Variants in CLEC4D observed in about 807,000 individuals in gnomAD.
CLEC4D encodes the protein C-type lectin domain family 4 member D.
Under a neutral mutation model 21.1 loss-of-function variants are expected in CLEC4D, and 21 were observed. The ratio of observed to expected loss-of-function variants is 1.00; its 90% CI spans 0.71 to 1.43. CLEC4D has a LOEUF of 1.43. Ranked by LOEUF, CLEC4D falls within the 40% of genes most tolerant of loss-of-function variation. The probability of loss-of-function intolerance (pLI) is 0.00; values close to 1 mark genes in which losing one functional copy is unlikely to be tolerated. For synonymous variants in CLEC4D, 85 were observed against 83.1 expected, an observed-to-expected ratio of 1.02 and a Z score of -0.12; for missense variants, 289 against 260.7, an observed-to-expected ratio of 1.11 and a Z score of -0.75.
At chr12:8,514,381 G>A (rs1383534519) in intron 1 of CLEC4D, among the ~76,000 whole-genome samples, 2 of 151,944 alleles carry the variant, frequency 1.3e-5, no homozygotes, top group Admixed American at 6.5e-5. Flanking sequence ...ATTGTGTGAA[G>A]GGACCATAAT....
At chr12:8,525,650 G>T (rs1940500220), downstream of CLEC4D, among the ~76,000 whole-genome samples, 1 of 152,174 alleles carries the variant, frequency 6.6e-6, no homozygotes, top group Non-Finnish European at 1.5e-5. Flanking sequence ...CAATTTGCCA[G>T]TCTGTGTCTT....
chr12:8,516,161 A>T (rs1469999202), intron 2 of CLEC4D, among the ~76,000 whole-genome samples: 1 of 152,206 alleles, frequency 6.6e-6, no homozygotes, highest in Non-Finnish European at 1.5e-5. Flanking sequence ...GTAAATCAAT[A>T]AAGTTTTAAG....
At chr12:8,522,823 G>A (rs921164403), downstream of CLEC4D, among the ~76,000 whole-genome samples, 1 of 152,136 alleles carries the variant, frequency 6.6e-6, no homozygotes, top group Non-Finnish European at 1.5e-5. Context: ...GGTTTTTACG[G>A]TTTTGGGTTT....
intron 5 of CLEC4D, among the ~76,000 whole-genome samples, chr12:8,520,570 T>C (rs1260163997): frequency 6.6e-6 from 1 of 152,196 alleles, no homozygotes; most frequent in African/African-American, 2.4e-5. Flanking sequence ...ATGAATAGCA[T>C]AGAAGTGATA....
downstream of CLEC4D, among the ~76,000 whole-genome samples, chr12:8,526,350 T>A (rs1940505321): frequency 6.6e-6 from 1 of 152,184 alleles, no homozygotes; most frequent in African/African-American, 2.4e-5. Flanking sequence ...GGTTTTTTTA[T>A]GAAGTCCCAT....
Position 8,513,571 on chromosome 12 carries a change from C to A in CLEC4D, c.-162C>A. 2 of 372,764 alleles carry A rather than the reference C, an allele frequency of 5.4e-6. No individual in the cohort carries two copies. Among genetic ancestry groups the A allele is most frequent in the Admixed American group, 4.0e-5 (1 of 24,970 alleles). The allele number at this position is 372,764 out of a possible 1,614,324, so 23.1% of individuals were successfully genotyped here. Reference sequence around the variant, plus strand: ...AAAAGACTTCTTTTGAGCTAACTTTCTTATACTGGTACCTTTCTAATCTCA... The same window carrying A: ...AAAAGACTTCTTTTGAGCTAACTTTATTATACTGGTACCTTTCTAATCTCA... On this transcript the variant is annotated 5_prime_UTR_variant, in exon 1 of 6. Transcript: ENST00000299665.
intron 1 of CLEC4D, 36 bp downstream of exon 1, chr12:8,513,796 A>C (rs776938203): frequency 2.2e-6 from 2 of 915,780 alleles, no homozygotes; most frequent in Admixed American, 3.4e-5. Context: ...TCAAAGAAGC[A>C]GATGGAATTA....
downstream of CLEC4D, among the ~76,000 whole-genome samples, chr12:8,522,575 G>A (rs1168834063): frequency 6.6e-6 from 1 of 152,046 alleles, no homozygotes. Flanking sequence ...GATACTTTTA[G>A]CTGAAATGGT....
At chr12:8,531,634 C>T in the CLEC4D span, among the ~76,000 whole-genome samples, 1 of 151,846 alleles carries the variant, frequency 6.6e-6, no homozygotes, top group Admixed American at 6.6e-5. Context: ...CATTGTATCC[C>T]ACAAATGTGT....
At chr12:8,520,734 T>C (rs1940447761) in intron 5 of CLEC4D, among the ~76,000 whole-genome samples, 1 of 152,218 alleles carries the variant, frequency 6.6e-6, no homozygotes, top group African/African-American at 2.4e-5. Flanking sequence ...TAAAATTTTT[T>C]GTTAGTTATA....
At chr12:8,516,201 G>A (rs951818601) in intron 2 of CLEC4D, among the ~76,000 whole-genome samples, 2 of 152,092 alleles carry the variant, frequency 1.3e-5, no homozygotes, top group Admixed American at 1.3e-4. Flanking sequence ...CTCATGACCT[G>A]GAGGTAGAGA....
chr12:8,519,587 A>C (rs772933439), intron 4 of CLEC4D, among the ~76,000 whole-genome samples: 1 of 152,130 alleles, frequency 6.6e-6, no homozygotes, highest in Non-Finnish European at 1.5e-5. Flanking sequence ...GGCACACTGG[A>C]TAGGTCTTGA....
At chr12:8,523,868 G>A (rs987278103), downstream of CLEC4D, among the ~76,000 whole-genome samples, 2 of 152,180 alleles carry the variant, frequency 1.3e-5, no homozygotes, top group African/African-American at 2.4e-5. Flanking sequence ...TTTGAGATAC[G>A]TTCCATCAAT....
chr12:8,514,729 T>A (rs375588595), intron 1 of CLEC4D, among the ~76,000 whole-genome samples: 124 of 152,262 alleles, frequency 8.1e-4, no homozygotes, highest in Non-Finnish European at 1.1e-3. Flanking sequence ...TATACCACAA[T>A]CTTTTCGTTT....
intron 4 of CLEC4D, among the ~76,000 whole-genome samples, chr12:8,519,932 A>T (rs1353870617): frequency 2.0e-5 from 3 of 152,220 alleles, no homozygotes; most frequent in Non-Finnish European, 4.4e-5. Context: ...AAAACCTCCT[A>T]AAAAATCTAA....
In CLEC4D at chr12:8,519,069, C is replaced by A. The variant is rs768461079; in HGVS notation, c.293C>A (p.Pro98His). The A allele has an allele frequency of 3.7e-6, 6 of 1,614,006 alleles. No individual in the cohort carries two copies. The highest frequency in any genetic ancestry group is 5.1e-6 in the Non-Finnish European group (6 of 1,180,008). Reference protein sequence around the residue: ...WRAFQSNCYFPLTDNKTWAES... With the variant: ...WRAFQSNCYFHLTDNKTWAES... ...GCCTTCCAGTCCAACTGCTATTTTC[C>A]TCTTACTGACAACAAGACGTGGGCT... is the stretch of plus-strand genomic sequence containing the variant. The change falls in exon 4 of 6, where the codon CCT (proline) becomes CAT (histidine). Residue 98 changes from proline (P) to histidine (H), a missense_variant. Coordinates refer to ENST00000299665, the MANE Select transcript of CLEC4D (RefSeq NM_080387.5).
At position 8,519,163 on chromosome 12, in the gene CLEC4D, G is replaced by A. The variant is rs369980428; in HGVS notation, c.384+3G>A. On this transcript the variant is annotated splice_donor_region_variant and intron_variant, in intron 4 of 5. Coordinates refer to ENST00000299665, the MANE Select transcript of CLEC4D (RefSeq NM_080387.5). ...CCATCAGCACGGAAGCTGAGCAGGTGTGTTGGGAGGATCACATCAGTTTCT... is the reference window on the plus strand; with the variant it reads ...CCATCAGCACGGAAGCTGAGCAGGTATGTTGGGAGGATCACATCAGTTTCT... 269 of 1,609,496 alleles carry A rather than the reference G, an allele frequency of 1.7e-4. 1 individual carries two copies. Among genetic ancestry groups the A allele is most frequent in the Non-Finnish European group, 2.2e-4 (259 of 1,178,638 alleles).
the CLEC4D span, among the ~76,000 whole-genome samples, chr12:8,530,596 T>C: frequency 6.6e-6 from 1 of 152,166 alleles, no homozygotes; most frequent in African/African-American, 2.4e-5. Context: ...TATTCTTTTT[T>C]CAAATTATCA....
At chr12:8,518,466 T>C (rs1940413689) in intron 3 of CLEC4D, among the ~76,000 whole-genome samples, 192 bp downstream of exon 3, 2 of 152,236 alleles carry the variant, frequency 1.3e-5, no homozygotes, top group African/African-American at 4.8e-5. Context: ...AACCGGAGAA[T>C]ATAGCTTTAC....
Sources: allele counts gnomAD v4.1 joint callset (sites outside exome capture counted in the v4.1 genomes callset), GRCh38; gene constraint gnomAD v4.1.1; transcripts MANE v1.5; gene names NCBI Gene and HGNC (gene_info 2026-07-23, HGNC 2026-07-21).